Variants in RRM1 observed in about 807,000 individuals in gnomAD.
The protein encoded by RRM1 is ribonucleoside-diphosphate reductase large subunit.
RRM1 carries 19 observed loss-of-function variants against 101.5 expected under a neutral mutation model. That is an observed-to-expected ratio of 0.19 (90% CI 0.13 to 0.27). The LOEUF (loss-of-function observed/expected upper bound fraction) is 0.27, where lower values mean the gene tolerates loss of function less well. RRM1 is among the 10% of genes least tolerant of loss of function. RRM1 has a pLI of 1.00. For synonymous variants in RRM1, 298 were observed against 323.4 expected (o/e 0.92, Z 0.84); for missense variants, 500 against 962.9 (o/e 0.52, Z 6.36).
Position 4,121,628 on chromosome 11 carries a change from C to T in RRM1, c.901C>T (p.Leu301=). 1.9e-6 allele frequency: 3 copies of T among 1,612,476 alleles called. No individual in the cohort carries two copies. The highest frequency in any genetic ancestry group is 1.7e-6 in the Non-Finnish European group (2 of 1,179,212). The change falls in exon 10 of 19, where the codon CTG becomes TTG. Residue 301 remains leucine, a synonymous_variant. Transcript: ENST00000300738. ...GCGTCCTGGGGCATTTGCTATTTAC[C>T]TGGAGCCTTGGCATTTAGACATCTT... The part of the protein sequence containing the change: ...NKRPGAFAIY[L]EPWHLDIFEF...
chr11:4,095,121 C>CGCTGCTTCCCGCCTTT (rs2094541644), intron 1 of RRM1, 90 bp downstream of exon 1: 4 of 1,352,474 alleles, frequency 3.0e-6, no homozygotes, highest in African/African-American at 1.5e-5. Context: ...CGCCCGCCTT[C>CGCTGCTTCCCGCCTTT]GCTGCTTCCC....
chr11:4,123,562 A>G (rs768577113), intron 12 of RRM1, among the ~76,000 whole-genome samples, 178 bp downstream of exon 12: 1 of 152,218 alleles, frequency 6.6e-6, no homozygotes, highest in Non-Finnish European at 1.5e-5. Flanking sequence ...TGTGCCTATA[A>G]ATGTTTTTTA....
At chr11:4,097,509 G>A (rs1297856343) in intron 1 of RRM1, among the ~76,000 whole-genome samples, 3 of 150,814 alleles carry the variant, frequency 2.0e-5, no homozygotes, top group Non-Finnish European at 4.4e-5. Context: ...TTTTTAATAT[G>A]CATAGGGTTT....
In RRM1 at chr11:4,132,200, T is replaced by C. The variant is rs2094601714; in HGVS notation, c.1770-86T>C. 1 of 1,286,162 alleles carries C rather than the reference T, an allele frequency of 7.8e-7. No individual in the cohort carries two copies. Among genetic ancestry groups the C allele is most frequent in the South Asian group, 1.2e-5 (1 of 81,182 alleles). The allele number at this position is 1,286,162 out of a possible 1,614,324, so 79.7% of individuals were successfully genotyped here. A position where few individuals can be genotyped will look rare whatever the true frequency, so the allele number is the denominator to read the frequency against. On this transcript the variant is annotated intron_variant, in intron 15 of 18. Coordinates refer to ENST00000300738, the MANE Select transcript of RRM1 (RefSeq NM_001033.5). This position sits in a 1 kb window ranked among gnomAD's most constrained non-coding sequence, Gnocchi z 4.1. ...TACATTTACATTTACTACATTTATCTACATTTACTACAGTGACTTAAAGTA... is the reference window on the plus strand; with the variant it reads ...TACATTTACATTTACTACATTTATCCACATTTACTACAGTGACTTAAAGTA...
chr11:4,126,538 G>C, intron 12 of RRM1, 146 bp from the exon 13 acceptor site: 1 of 660,696 alleles, frequency 1.5e-6, no homozygotes, highest in Non-Finnish European at 2.5e-6. Context: ...TTTAGAAATG[G>C]ACTGATGAAT....
At chr11:4,098,219 G>A (rs1349331415) in intron 1 of RRM1, among the ~76,000 whole-genome samples, 1 of 152,138 alleles carries the variant, frequency 6.6e-6, no homozygotes, top group Non-Finnish European at 1.5e-5. Flanking sequence ...GTCTTTGAAA[G>A]CATCCATTTG....
intron 2 of RRM1, among the ~76,000 whole-genome samples, chr11:4,102,594 G>A (rs1240259902): frequency 2.0e-5 from 3 of 151,380 alleles, no homozygotes; most frequent in African/African-American, 7.3e-5. Context: ...AGAGGTTGCA[G>A]TGAGCCGAGA....
intron 17 of RRM1, 79 bp downstream of exon 17, chr11:4,133,737 G>A: frequency 3.9e-6 from 3 of 777,970 alleles, no homozygotes; most frequent in Non-Finnish European, 6.5e-6. Context: ...CTAGACAATG[G>A]AGAGAATGAC....
chr11:4,129,228 G>T, intron 15 of RRM1, 78 bp downstream of exon 15: 1 of 828,944 alleles, frequency 1.2e-6, no homozygotes, highest in Non-Finnish European at 2.0e-6. Flanking sequence ...AGTTAGATAT[G>T]TCATTTTAAC....
Position 4,118,342 on chromosome 11 carries a change from G to C in RRM1, c.673G>C (p.Asp225His). The C allele has an allele frequency of 6.2e-7, 1 of 1,613,236 alleles. No individual in the cohort carries two copies. The highest frequency in any genetic ancestry group is 2.2e-5 in the East Asian group (1 of 44,818). The change falls in exon 8 of 19, where the codon GAT becomes CAT. Residue 225 changes from aspartate (D) to histidine (H), a missense_variant. Asp to His is a moderately conservative substitution (Grantham distance 81, BLOSUM62 -1). Around this residue, in one of 9 missense-constraint regions of RRM1, gnomAD observed 111 missense variants for 219.8 expected, o/e 0.51. Coordinates refer to ENST00000300738, the MANE Select transcript of RRM1 (RefSeq NM_001033.5). Reference sequence around the variant, plus strand: ...TAGCTGTTTTCTTCTGAGTATGAAAGATGACAGCATTGAAGGCATTTATGA... The same window carrying C: ...TAGCTGTTTTCTTCTGAGTATGAAACATGACAGCATTGAAGGCATTTATGA... ...LSSCFLLSMK[D>H]DSIEGIYDTL...
chr11:4,132,153 G>A lies in RRM1; in HGVS notation c.1770-133G>A, dbSNP rs962991050. On this transcript the variant is annotated intron_variant, in intron 15 of 18. Coordinates refer to ENST00000300738, the MANE Select transcript of RRM1 (RefSeq NM_001033.5). The surrounding 1 kb of genome is among the most constrained non-coding windows in gnomAD (Gnocchi z 4.1). ...GAGTTTAATTTGAAAGTCAACGTGT[G>A]AGTTCAATGCATGTACGATGTTACA... 1.3e-5 allele frequency: 11 copies of A among 862,490 alleles called. No individual in the cohort carries two copies. In the African/African-American group the frequency reaches 1.7e-4, roughly 13 times the overall value. The allele number at this position is 862,490 out of a possible 1,614,324, so 53.4% of individuals were successfully genotyped here.
chr11:4,126,770 C>A lies in RRM1; in HGVS notation c.1407C>A (p.Val469=). The part of the protein sequence containing the change: ...HTYDFKKLAE[V]TKVVVRNLNK... ...ACGACTTTAAGAAGTTGGCTGAAGT[C>A]ACTAAAGTCGTTGTCCGAAACTTGA... Residue 469 remains valine (V), a synonymous_variant, in exon 13 of 19, where the codon GTC becomes GTA. Coordinates refer to ENST00000300738, the MANE Select transcript of RRM1 (RefSeq NM_001033.5). 1 of 1,613,586 alleles carries A rather than the reference C, an allele frequency of 6.2e-7. No individual in the cohort carries two copies. Among genetic ancestry groups the A allele is most frequent in the South Asian group, 1.1e-5 (1 of 91,052 alleles).
At chr11:4,133,717 CT>C in intron 17 of RRM1, 59 bp downstream of exon 17, 1 of 930,526 alleles carries the variant, frequency 1.1e-6, no homozygotes, top group South Asian at 1.4e-5. Flanking sequence ...GTGGTACCTC[CT>C]CACTCATGCT....
chr11:4,126,644 T>G, intron 12 of RRM1, 40 bp from the exon 13 acceptor site: 1 of 1,574,494 alleles, frequency 6.4e-7, no homozygotes, highest in South Asian at 1.2e-5. Flanking sequence ...GAAGTAGAAA[T>G]AAAAATTGTG....
intron 3 of RRM1, 144 bp downstream of exon 3, chr11:4,106,367 G>A: frequency 1.4e-6 from 1 of 693,024 alleles, no homozygotes; most frequent in African/African-American, 1.8e-5. Context: ...GGGAGGCCAA[G>A]GCAGGCAAAT....
chr11:4,094,747 A>AC (rs2094540398), upstream of RRM1: 3 of 570,392 alleles, frequency 5.3e-6, no homozygotes, highest in East Asian at 2.8e-5. Context: ...TGTGAAGCCT[A>AC]CCCCGGGCGT....
intron 2 of RRM1, among the ~76,000 whole-genome samples, chr11:4,105,000 G>C (rs572251187): frequency 1.3e-5 from 2 of 152,250 alleles, no homozygotes; most frequent in South Asian, 4.1e-4. Flanking sequence ...GAATCAGTCT[G>C]TTGGGAGAAT....
At position 4,095,591 on chromosome 11, in the gene RRM1, G is replaced by A. The variant is rs139925250; in HGVS notation, c.19+560G>A. Among the ~76,000 whole-genome samples, 244 of 152,248 alleles carry A rather than the reference G, an allele frequency of 1.6e-3. 3 individuals are homozygous for A. The South Asian group carries it at 0.02, about 12-fold the overall frequency. ...TGTGGGGTGAGGATAGGAGTGTGGC[G>A]TGGAAAAAACAGATCCCAGACAGAC... On this transcript the variant is annotated intron_variant, in intron 1 of 18. Transcript: ENST00000300738.
intron 7 of RRM1, among the ~76,000 whole-genome samples, chr11:4,113,827 T>C (rs1476876963): frequency 6.6e-6 from 1 of 152,138 alleles, no homozygotes; most frequent in Non-Finnish European, 1.5e-5. Context: ...AAAAGTACCC[T>C]ATAAAAGATA....
Sources: allele counts gnomAD v4.1 joint callset (sites outside exome capture counted in the v4.1 genomes callset), GRCh38; gene constraint gnomAD v4.1.1; regional missense constraint gnomAD v4.1.1; non-coding constraint Gnocchi (gnomAD v3.1); transcripts MANE v1.5; gene names NCBI Gene and HGNC (gene_info 2026-07-23, HGNC 2026-07-21).